Variants in MAD1L1 observed in about 807,000 individuals in gnomAD.
MAD1L1 encodes the protein mitotic spindle assembly checkpoint protein MAD1.
MAD1L1 carries 95 observed loss-of-function variants against 96.9 expected under a neutral mutation model. The ratio of observed to expected loss-of-function variants is 0.98; its 90% CI spans 0.83 to 1.16. The LOEUF (loss-of-function observed/expected upper bound fraction) is 1.16. MAD1L1 is among the 50% of genes most tolerant of loss of function. MAD1L1 has a pLI of 0.00. For missense variants in MAD1L1, 1,007 were observed against 954.4 expected, an observed-to-expected ratio of 1.06 and a Z score of -0.73; for synonymous variants, 473 against 396.6, an observed-to-expected ratio of 1.19 and a Z score of -2.29.
intron 17 of MAD1L1, among the ~76,000 whole-genome samples, chr7:1,919,375 C>G (rs1402912589): frequency 6.6e-6 from 1 of 152,286 alleles, no homozygotes; most frequent in Non-Finnish European, 1.5e-5. Context: ...AAGGTCTCCT[C>G]TGCCTTCTCT....
At chr7:2,027,984 T>C (rs1186259338) in intron 12 of MAD1L1, among the ~76,000 whole-genome samples, 4 of 151,988 alleles carry the variant, frequency 2.6e-5, no homozygotes, top group Non-Finnish European at 4.4e-5. Flanking sequence ...ATAAGTAGAT[T>C]TAGCAATGCT....
chr7:1,889,615 G>A (rs1786411408), intron 18 of MAD1L1, among the ~76,000 whole-genome samples: 1 of 152,228 alleles, frequency 6.6e-6, no homozygotes, highest in African/African-American at 2.4e-5. Context: ...ATGCTTCACG[G>A]AGGCAACAGG....
intron 13 of MAD1L1, among the ~76,000 whole-genome samples, chr7:2,011,197 C>T (rs186146839): frequency 5.9e-5 from 9 of 152,050 alleles, no homozygotes; most frequent in Admixed American, 2.6e-4. Flanking sequence ...GCCAGAGACA[C>T]GCGGCATGTG....
At chr7:1,980,313 A>T in intron 15 of MAD1L1, 140 bp downstream of exon 15, 1 of 691,288 alleles carries the variant, frequency 1.4e-6, no homozygotes, top group Non-Finnish European at 2.4e-6. Context: ...CGTGGGACAC[A>T]CCTGGGCGTA....
intron 10 of MAD1L1, among the ~76,000 whole-genome samples, chr7:2,195,200 C>A (rs1791924616): frequency 6.6e-6 from 1 of 152,048 alleles, no homozygotes; most frequent in Admixed American, 6.5e-5. Flanking sequence ...CTCTCGTAAA[C>A]AATAAAAACA....
chr7:2,093,365 T>C (rs56922345), intron 11 of MAD1L1, among the ~76,000 whole-genome samples: 12,212 of 152,020 alleles, frequency 0.08, 580 homozygotes, highest in African/African-American at 0.13. Context: ...GATGACTCAG[T>C]AAATAGTGCA....
At chr7:2,231,019 G>A (rs1473467185) in intron 1 of MAD1L1, among the ~76,000 whole-genome samples, 6 of 152,184 alleles carry the variant, frequency 3.9e-5, no homozygotes, top group African/African-American at 1.4e-4. Context: ...TCACAGCAAA[G>A]TCTGGCCTCT....
chr7:1,903,743 GA>G (rs1347415918), intron 17 of MAD1L1, among the ~76,000 whole-genome samples: 12 of 143,792 alleles, frequency 8.3e-5, no homozygotes, highest in Admixed American at 8.3e-4. Flanking sequence ...GTGGCCTATG[GA>G]AGACGCTCTT....
At position 1,922,209 on chromosome 7, in the gene MAD1L1, G is replaced by C. The variant is rs1185940124; in HGVS notation, c.1807+14478C>G. 1.1e-4 allele frequency among the ~76,000 whole-genome samples: 17 copies of C among 152,360 alleles called. No individual in the cohort carries two copies. The East Asian group carries it at 3.3e-3, about 29-fold the overall frequency. On this transcript the variant is annotated intron_variant, in intron 17 of 18. Coordinates refer to ENST00000265854, the MANE Select transcript of MAD1L1 (RefSeq NM_001013836.2). ...GCGAGCGCCCTGCTTCCAGCTGCGA[G>C]AGACATGCAGCTGGACCTGGCCGCG...
intron 3 of MAD1L1, 115 bp from the exon 4 acceptor site, chr7:2,225,665 T>G (rs911874918): frequency 2.5e-6 from 3 of 1,179,266 alleles, no homozygotes; most frequent in African/African-American, 3.0e-5. Context: ...GGTCCCGTGC[T>G]AAGTCTTGAT....
chr7:1,944,294 G>A (rs1554505), intron 16 of MAD1L1, among the ~76,000 whole-genome samples: 100,255 of 152,090 alleles, frequency 0.66, 33,674 homozygotes, highest in East Asian at 0.81. Flanking sequence ...GAAGGGTGAC[G>A]GTGGTTGCAC....
At chr7:1,975,308 G>A (rs1452935590) in intron 15 of MAD1L1, among the ~76,000 whole-genome samples, 2 of 152,210 alleles carry the variant, frequency 1.3e-5, no homozygotes, top group Non-Finnish European at 2.9e-5. Context: ...AGCATCTGAG[G>A]GTGACCTCTT....
At chr7:1,961,854 T>C (rs1014847757) in intron 15 of MAD1L1, among the ~76,000 whole-genome samples, 2 of 152,008 alleles carry the variant, frequency 1.3e-5, no homozygotes, top group Non-Finnish European at 2.9e-5. Flanking sequence ...GTTTCCCCCA[T>C]ACCATTCTCG....
At chr7:2,006,879 C>T (rs1022675446) in intron 13 of MAD1L1, among the ~76,000 whole-genome samples, 2 of 152,164 alleles carry the variant, frequency 1.3e-5, no homozygotes, top group African/African-American at 4.8e-5. Flanking sequence ...GGAACCAGCA[C>T]AGACACACCC....
intron 16 of MAD1L1, among the ~76,000 whole-genome samples, chr7:1,950,770 A>G (rs945340749): frequency 3.9e-5 from 6 of 152,004 alleles, no homozygotes; most frequent in African/African-American, 1.4e-4. Context: ...GCATGGGGGG[A>G]GCAGCACACG....
intron 17 of MAD1L1, among the ~76,000 whole-genome samples, chr7:1,910,792 C>T (rs796658014): frequency 1.3e-5 from 2 of 152,246 alleles, no homozygotes; most frequent in African/African-American, 4.8e-5. Flanking sequence ...AGCCGGGCCC[C>T]GCCCTGGGGA....
intron 15 of MAD1L1, among the ~76,000 whole-genome samples, chr7:1,979,639 C>T (rs1330627039): frequency 6.6e-6 from 1 of 152,244 alleles, no homozygotes. Flanking sequence ...GCCTGCAGAC[C>T]CTGCTCTAGG....
intron 17 of MAD1L1, among the ~76,000 whole-genome samples, chr7:1,916,595 C>T (rs1317255376): frequency 6.6e-6 from 1 of 152,218 alleles, no homozygotes; most frequent in Non-Finnish European, 1.5e-5. Context: ...CGACTTAGCC[C>T]CTCGGACTAC....
intron 1 of MAD1L1, among the ~76,000 whole-genome samples, chr7:2,232,381 G>A (rs1016247361): frequency 1.2e-4 from 19 of 152,238 alleles, no homozygotes; most frequent in African/African-American, 4.6e-4. Flanking sequence ...ATCCCCGAGG[G>A]GAAACCGGGC....
Sources: allele counts gnomAD v4.1 joint callset (sites outside exome capture counted in the v4.1 genomes callset), GRCh38; gene constraint gnomAD v4.1.1; transcripts MANE v1.5; gene names NCBI Gene and HGNC (gene_info 2026-07-23, HGNC 2026-07-21).